The following SAMD4B variants were observed in gnomAD, a reference collection of about 807,000 sequenced individuals.
The protein encoded by SAMD4B is sterile alpha motif domain containing 4B, also known as protein Smaug homolog 2.
A neutral mutation model predicts 74.5 loss-of-function variants in SAMD4B; 5 were observed. The observed-to-expected ratio is 0.07, with a 90% CI of 0.04 to 0.14. The LOEUF is 0.14. SAMD4B is among the 10% of genes least tolerant of loss of function. The probability of loss-of-function intolerance (pLI) is 1.00; values close to 1 mark genes in which losing one functional copy is unlikely to be tolerated. For synonymous variants in SAMD4B, 373 were observed against 374.9 expected (o/e 1.00, Z 0.06); for missense variants, 608 against 921.8 (o/e 0.66, Z 4.41).
intron 3 of SAMD4B, among the ~76,000 whole-genome samples, chr19:39,364,952 C>T (rs1471205419): frequency 1.3e-5 from 2 of 152,072 alleles, no homozygotes; most frequent in South Asian, 4.2e-4. Flanking sequence ...TAAAAAGTTC[C>T]CCCCTGGCTG....
Position 39,375,920 on chromosome 19 carries a change from T to C in SAMD4B, c.907+31T>C, listed in dbSNP as rs2077573762. 7 of 1,591,680 alleles carry C rather than the reference T, an allele frequency of 4.4e-6. No homozygotes were observed. The highest frequency in any genetic ancestry group is 5.1e-6 in the Non-Finnish European group (6 of 1,172,196). ...TTGGGGACAGCAGCACCAGGACCCT[T>C]TTCCAGGGGCTTCTGCAGAGCTTAG... On this transcript the variant is annotated intron_variant, in intron 5 of 13. Coordinates refer to ENST00000610417, the MANE Select transcript of SAMD4B (RefSeq NM_001384574.2). The surrounding 1 kb of genome is among the most constrained non-coding windows in gnomAD (Gnocchi z 4.1).
In SAMD4B at chr19:39,374,186, G is replaced by A. The variant is rs146694778; in HGVS notation, c.668-1464G>A. ...CTCGGGAGGCTGAGGCAGGAGAATC[G>A]CTTGAACCCAGGAGGTGGAGGTTGC... is the stretch of plus-strand genomic sequence containing the variant. On this transcript the variant is annotated intron_variant, in intron 4 of 13. Coordinates refer to ENST00000610417, the MANE Select transcript of SAMD4B (RefSeq NM_001384574.2). Among the ~76,000 whole-genome samples, 205 of 152,124 alleles carry A rather than the reference G, an allele frequency of 1.3e-3. 1 individual carries two copies. The highest frequency in any genetic ancestry group is 4.2e-3 in the African/African-American group (174 of 41,484).
chr19:39,385,990 C>T (rs1486850288), downstream of SAMD4B: 12 of 1,613,428 alleles, frequency 7.4e-6, no homozygotes, highest in East Asian at 2.7e-4. Context: ...TGCCCTGGGA[C>T]TCAGTCACTG....
At position 39,376,421 on chromosome 19, in the gene SAMD4B, C is replaced by T; in HGVS notation, c.908-16C>T. 2 of 1,599,826 alleles carry T rather than the reference C, an allele frequency of 1.3e-6. No individual in the cohort carries two copies. Among genetic ancestry groups the T allele is most frequent in the Non-Finnish European group, 1.7e-6 (2 of 1,171,336 alleles). ...GGCCAAACTCCTGACCTTTCACTCT[C>T]CCTCCTTTGCCAAAGATGTGCCCTC... On this transcript the variant is annotated splice_polypyrimidine_tract_variant and intron_variant, in intron 5 of 13. Coordinates refer to ENST00000610417, the MANE Select transcript of SAMD4B (RefSeq NM_001384574.2).
rs2077945700 is a variant in SAMD4B, at chr19:39,380,995, G to A, written c.1854G>A (p.Leu618=). The A allele has an allele frequency of 6.2e-7, 1 of 1,609,162 alleles. No individual in the cohort carries two copies. The change falls in exon 12 of 14, where the codon CTG becomes CTA. Residue 618 remains leucine (L), a synonymous_variant. Transcript: ENST00000610417. ...PSLGGQGRQN[L]WFANPGGSNS... ...TCTTCCTGGGACCTGTGTAGAACCT[G>A]TGGTTTGCCAACCCTGGAGGCAGCA...
downstream of SAMD4B, chr19:39,386,656 C>G: frequency 6.3e-7 from 1 of 1,594,406 alleles, no homozygotes; most frequent in East Asian, 2.2e-5. The surrounding 1 kb of genome is among the most constrained non-coding windows in gnomAD (Gnocchi z 6.1). Flanking sequence ...CCACCACCCT[C>G]CCTGCCATGG....
At chr19:39,366,938 C>A (rs1411136288) in intron 3 of SAMD4B, among the ~76,000 whole-genome samples, 1 of 152,126 alleles carries the variant, frequency 6.6e-6, no homozygotes, top group Non-Finnish European at 1.5e-5. Flanking sequence ...TTTAGAATCT[C>A]TGTGTGTATC....
chr19:39,358,440 C>T (rs973134970), intron 3 of SAMD4B, among the ~76,000 whole-genome samples: 3 of 151,950 alleles, frequency 2.0e-5, no homozygotes, highest in South Asian at 2.1e-4. Flanking sequence ...TTAGTAGAGA[C>T]GGGGCTTCAC....
At chr19:39,364,648 TAA>T (rs1471966647) in intron 3 of SAMD4B, among the ~76,000 whole-genome samples, 11 of 152,222 alleles carry the variant, frequency 7.2e-5, no homozygotes, top group Non-Finnish European at 7.3e-5. Flanking sequence ...ACTACAGGAC[TAA>T]GTTATCAAAC....
downstream of SAMD4B, chr19:39,386,589 T>A: frequency 6.2e-7 from 1 of 1,613,592 alleles, no homozygotes; most frequent in African/African-American, 1.3e-5. The surrounding 1 kb of genome is among the most constrained non-coding windows in gnomAD (Gnocchi z 6.1). Flanking sequence ...GCAGCAAGAT[T>A]GGAATGAGGG....
At position 39,385,527 on chromosome 19, in the gene SAMD4B, C is replaced by T. The variant is rs2078225155; in HGVS notation, c.*2000C>T. ...CGCTCCAGCCCCCTCCCCAGGCCCT[C>T]CTCCATGATTTCACCCTCCCTACCC... On this transcript the variant is annotated 3_prime_UTR_variant, in exon 14 of 14. Coordinates refer to ENST00000610417, the MANE Select transcript of SAMD4B (RefSeq NM_001384574.2). 4.2e-6 allele frequency: 2 copies of T among 474,494 alleles called. No individual in the cohort carries two copies. The highest frequency in any genetic ancestry group is 3.2e-5 in the East Asian group (1 of 31,704). 29.4% of individuals were successfully genotyped at this position (474,494 alleles called of 1,614,324 possible).
At chr19:39,381,225 C>A in intron 12 of SAMD4B, 112 bp downstream of exon 12, 1 of 1,275,762 alleles carries the variant, frequency 7.8e-7, no homozygotes, top group South Asian at 1.5e-5. Flanking sequence ...GCACCTCTCC[C>A]CATACCTCAC....
rs190164355 is a variant in SAMD4B at position 39,371,644 on chromosome 19, T to C, written c.667+1519T>C. On this transcript the variant is annotated intron_variant, in intron 4 of 13. Transcript: ENST00000610417. Reference sequence around the variant, plus strand: ...CCAGCCTGACCAACATGGTGAAACCTCATCTCTACTAAAAATATAAAAATT... The same window carrying C: ...CCAGCCTGACCAACATGGTGAAACCCCATCTCTACTAAAAATATAAAAATT... Among the ~76,000 whole-genome samples, 11 of 152,090 alleles carry C rather than the reference T, an allele frequency of 7.2e-5. No homozygotes were observed. The East Asian group carries it at 1.7e-3, about 24-fold the overall frequency.
intron 1 of SAMD4B, among the ~76,000 whole-genome samples, chr19:39,349,025 T>C (rs2075864684): frequency 6.6e-6 from 1 of 152,176 alleles, no homozygotes; most frequent in East Asian, 1.9e-4. Flanking sequence ...AAAACAGGCA[T>C]GGCAAGGTGA....
Position 39,382,924 on chromosome 19 carries a change from T to C in SAMD4B, c.1973-284T>C, listed in dbSNP as rs779439477. On this transcript the variant is annotated intron_variant, in intron 12 of 13. Coordinates refer to ENST00000610417, the MANE Select transcript of SAMD4B (RefSeq NM_001384574.2). Reference sequence around the variant, plus strand: ...GACAGTATGCAGTCTGTGTCCAGAGTAGTCACAGCAGGCTGTGTGTGGCCT... The same window carrying C: ...GACAGTATGCAGTCTGTGTCCAGAGCAGTCACAGCAGGCTGTGTGTGGCCT... Among the ~76,000 whole-genome samples the C allele has an allele frequency of 4.0e-5, 6 of 151,684 alleles. No individual in the cohort carries two copies. In the South Asian group the frequency reaches 6.2e-4, roughly 16 times the overall value.
intron 4 of SAMD4B, among the ~76,000 whole-genome samples, chr19:39,374,114 G>A (rs2077461492): frequency 6.6e-6 from 1 of 151,192 alleles, no homozygotes; most frequent in African/African-American, 2.4e-5. Flanking sequence ...CTAAAAATAC[G>A]AAAAACATTA....
At chr19:39,360,889 A>G (rs2076607485) in intron 3 of SAMD4B, among the ~76,000 whole-genome samples, 1 of 152,138 alleles carries the variant, frequency 6.6e-6, no homozygotes. Context: ...GGGCCTGGGA[A>G]CGAGTACCCA....
Position 39,375,997 on chromosome 19 carries a change from A to T in SAMD4B, c.907+108A>T. 4 of 1,411,362 alleles carry T rather than the reference A, an allele frequency of 2.8e-6. No homozygotes were observed. The highest frequency in any genetic ancestry group is 3.8e-6 in the Non-Finnish European group (4 of 1,044,076). The allele number at this position is 1,411,362 out of a possible 1,614,324, so 87.4% of individuals were successfully genotyped here. A position where few individuals can be genotyped will look rare whatever the true frequency, so the allele number is the denominator to read the frequency against. On this transcript the variant is annotated intron_variant, in intron 5 of 13. Coordinates refer to ENST00000610417, the MANE Select transcript of SAMD4B (RefSeq NM_001384574.2). The surrounding 1 kb of genome is among the most constrained non-coding windows in gnomAD (Gnocchi z 4.1). ...ACCTGCTTACCCCTCTGAGGAGGGG[A>T]CATGTCTGAGGGGAGTAGATAGTCC...
chr19:39,380,441 G>A (rs1237424357), intron 10 of SAMD4B, 146 bp from the exon 11 acceptor site: 13 of 821,838 alleles, frequency 1.6e-5, no homozygotes, highest in Non-Finnish European at 2.4e-5. Flanking sequence ...CTTCCAGGGG[G>A]TACCCTTGGG....
Sources: allele counts gnomAD v4.1 joint callset (sites outside exome capture counted in the v4.1 genomes callset), GRCh38; gene constraint gnomAD v4.1.1; non-coding constraint Gnocchi (gnomAD v3.1); transcripts MANE v1.5; gene names NCBI Gene and HGNC (gene_info 2026-07-23, HGNC 2026-07-21).